Variants in KIF26B observed in about 807,000 individuals in gnomAD.
The protein encoded by KIF26B is kinesin family member 26B.
In KIF26B, 63 loss-of-function variants were observed where a neutral mutation model predicts 151.2. That is an observed-to-expected ratio of 0.42 (90% CI 0.34 to 0.51). KIF26B has a LOEUF of 0.51. KIF26B is among the 20% of genes least tolerant of loss of function. KIF26B has a pLI of 0.07. For missense variants in KIF26B, 2,813 were observed against 2,913.6 expected (o/e 0.97, Z 0.79); for synonymous variants, 1,357 against 1,262.1 (o/e 1.08, Z -1.59).
In KIF26B at chr1:245,429,637, G is replaced by T. The variant is rs1658731512; in HGVS notation, c.1166+9892G>T. ...GTTGGTTTTTGTTTTGTTTTGAGTT[G>T]CAGTCTCGCTCTGTCTCCCAGCCCA... is the stretch of plus-strand genomic sequence containing the variant. On this transcript the variant is annotated intron_variant, in intron 4 of 14. Transcript: ENST00000407071. 2.0e-5 allele frequency among the ~76,000 whole-genome samples: 3 copies of T among 152,094 alleles called. No individual in the cohort carries two copies. The South Asian group carries it at 6.2e-4, about 32-fold the overall frequency.
At chr1:245,220,112 C>T (rs1410174253) in intron 2 of KIF26B, among the ~76,000 whole-genome samples, 1 of 152,144 alleles carries the variant, frequency 6.6e-6, no homozygotes, top group African/African-American at 2.4e-5. Context: ...CTCTCCGCAC[C>T]ATGTTCCAGG....
Position 245,516,971 on chromosome 1 carries a change from T to C in KIF26B, c.1167-23796T>C, listed in dbSNP as rs2103087368. Reference sequence around the variant, plus strand: ...TGCTGCTTTCACCCCCACCTGACCATGGTCGCAGTGGGGGGCTTTCTCTTG... The same window carrying C: ...TGCTGCTTTCACCCCCACCTGACCACGGTCGCAGTGGGGGGCTTTCTCTTG... On this transcript the variant is annotated intron_variant, in intron 4 of 14. Coordinates refer to ENST00000407071, the MANE Select transcript of KIF26B (RefSeq NM_018012.4). This position sits in a 1 kb window ranked among gnomAD's most constrained non-coding sequence, Gnocchi z 4.2. 6.6e-6 allele frequency among the ~76,000 whole-genome samples: 1 copy of C among 152,328 alleles called. No individual in the cohort carries two copies. Among genetic ancestry groups the C allele is most frequent in the South Asian group, 2.1e-4 (1 of 4,828 alleles).
At chr1:245,537,111 C>T (rs1305466749) in intron 4 of KIF26B, among the ~76,000 whole-genome samples, 1 of 152,146 alleles carries the variant, frequency 6.6e-6, no homozygotes, top group Non-Finnish European at 1.5e-5. Flanking sequence ...GGACTGTCTG[C>T]CATGATGGGC....
At chr1:245,345,307 T>C (rs1014422657) in intron 2 of KIF26B, among the ~76,000 whole-genome samples, 2 of 152,100 alleles carry the variant, frequency 1.3e-5, no homozygotes, top group Non-Finnish European at 2.9e-5. Context: ...CCTCCCTCCT[T>C]CTGCGACTTC....
At chr1:245,434,973 G>GTCCATCCATCCATCCA (rs371849206) in intron 4 of KIF26B, among the ~76,000 whole-genome samples, 52 of 135,752 alleles carry the variant, frequency 3.8e-4, no homozygotes, top group East Asian at 2.8e-3. Flanking sequence ...ATGCTCTTTT[G>GTCCATCCATCCATCCA]TCCATCCATC....
chr1:245,240,765 G>C (rs894176904), intron 2 of KIF26B, among the ~76,000 whole-genome samples: 1 of 152,198 alleles, frequency 6.6e-6, no homozygotes, highest in Admixed American at 6.5e-5. Flanking sequence ...AGGAGATGCC[G>C]CTGTGGGAGG....
intron 3 of KIF26B, among the ~76,000 whole-genome samples, chr1:245,382,752 C>G (rs191720701): frequency 0.014 from 2,072 of 151,892 alleles, 50 homozygotes; most frequent in African/African-American, 0.048. Context: ...ATTTTTAGTA[C>G]AGACGGGGTT....
intron 2 of KIF26B, among the ~76,000 whole-genome samples, chr1:245,211,623 C>T (rs1183258927): frequency 6.6e-6 from 1 of 152,154 alleles, no homozygotes; most frequent in East Asian, 1.9e-4. Flanking sequence ...GTCCTCAATT[C>T]CTGGCCTCAA....
intron 2 of KIF26B, among the ~76,000 whole-genome samples, chr1:245,302,287 C>G (rs544218624): frequency 1.7e-4 from 26 of 152,278 alleles, no homozygotes; most frequent in African/African-American, 6.3e-4. Flanking sequence ...TACTCTGATG[C>G]CATAAGGAGT....
At chr1:245,490,200 C>T (rs766531338) in intron 4 of KIF26B, among the ~76,000 whole-genome samples, 12 of 151,846 alleles carry the variant, frequency 7.9e-5, no homozygotes, top group Non-Finnish European at 1.6e-4. Flanking sequence ...AGATCCAGTA[C>T]AGAGGAATGT....
chr1:245,483,744 A>C (rs61647228), intron 4 of KIF26B, among the ~76,000 whole-genome samples: 6,950 of 151,756 alleles, frequency 0.046, 559 homozygotes, highest in African/African-American at 0.16. Flanking sequence ...CAGTGCTGGA[A>C]CGTTCATTTT....
At chr1:245,428,989 T>TGGGGGGGGGGGGGA (rs1558162150) in intron 4 of KIF26B, among the ~76,000 whole-genome samples, 1 of 81,836 alleles carries the variant, frequency 1.2e-5, no homozygotes, top group Non-Finnish European at 2.5e-5. Flanking sequence ...GGGGCGGGGG[T>TGGGGGGGGGGGGGA]GGGGGGCAGT....
chr1:245,309,280 C>T (rs1025691959), intron 2 of KIF26B, among the ~76,000 whole-genome samples: 28 of 152,174 alleles, frequency 1.8e-4, no homozygotes, highest in African/African-American at 6.5e-4. Flanking sequence ...TTTGGTCAAA[C>T]GTTGTTCTTG....
At chr1:245,211,026 A>G (rs1352806429) in intron 2 of KIF26B, among the ~76,000 whole-genome samples, 1 of 152,080 alleles carries the variant, frequency 6.6e-6, no homozygotes, top group East Asian at 1.9e-4. Flanking sequence ...GCGGTTTTTA[A>G]GCTCACACCA....
Position 245,703,983 on chromosome 1 carries a change from A to G in KIF26B, c.*1377A>G, listed in dbSNP as rs2044808071. 1 of 152,234 alleles carries G rather than the reference A, an allele frequency of 6.6e-6. No homozygotes were observed. Among genetic ancestry groups the G allele is most frequent in the Admixed American group, 6.5e-5 (1 of 15,284 alleles). 9.4% of individuals were successfully genotyped at this position (152,234 alleles called of 1,614,324 possible). On this transcript the variant is annotated 3_prime_UTR_variant, in exon 15 of 15. Coordinates refer to ENST00000407071, the MANE Select transcript of KIF26B (RefSeq NM_018012.4). ...TATGGATGTCCAGGTCTTGGCTCCC[A>G]ACAACTCAGGACCTCAAATTCAGAT... is the stretch of plus-strand genomic sequence containing the variant.
intron 4 of KIF26B, among the ~76,000 whole-genome samples, chr1:245,483,796 A>G (rs1572085560): frequency 6.6e-6 from 1 of 151,974 alleles, no homozygotes; most frequent in East Asian, 1.9e-4. Context: ...TCCAAGCTCT[A>G]ATCTTACAGG....
intron 2 of KIF26B, among the ~76,000 whole-genome samples, chr1:245,282,533 G>A (rs978695914): frequency 6.6e-6 from 1 of 152,192 alleles, no homozygotes; most frequent in Non-Finnish European, 1.5e-5. Flanking sequence ...ATCCCCAAGT[G>A]TGTAGAACAT....
rs984428824 is a variant in KIF26B at position 245,367,784 on chromosome 1, G to T, written c.999+417G>T. Among the ~76,000 whole-genome samples the T allele has an allele frequency of 2.6e-5, 4 of 152,238 alleles. No individual in the cohort carries two copies. Among genetic ancestry groups the T allele is most frequent in the Non-Finnish European group, 4.4e-5 (3 of 68,050 alleles). On this transcript the variant is annotated intron_variant, in intron 3 of 14. Coordinates refer to ENST00000407071, the MANE Select transcript of KIF26B (RefSeq NM_018012.4). The surrounding 1 kb of genome is among the most constrained non-coding windows in gnomAD (Gnocchi z 4.2). ...TTAGCAGCGTGACTTGGCACAAGGGGTTTGCCCTGTCTTAGGCTCAAGTCC... is the reference window on the plus strand; with the variant it reads ...TTAGCAGCGTGACTTGGCACAAGGGTTTTGCCCTGTCTTAGGCTCAAGTCC...
chr1:245,167,564 T>A lies in KIF26B; in HGVS notation c.465+10881T>A, dbSNP rs1355392099. Among the ~76,000 whole-genome samples the A allele has an allele frequency of 1.3e-5, 2 of 152,086 alleles. No individual in the cohort carries two copies. Among genetic ancestry groups the A allele is most frequent in the Non-Finnish European group, 2.9e-5 (2 of 68,022 alleles). On this transcript the variant is annotated intron_variant, in intron 2 of 14. Coordinates refer to ENST00000407071, the MANE Select transcript of KIF26B (RefSeq NM_018012.4). This position sits in a 1 kb window ranked among gnomAD's most constrained non-coding sequence, Gnocchi z 4.2. ...CTATTAACTGATTAGAAGCCAGCAA[T>A]AACAACCAGCACCAAAAGCTGTCGA...
Sources: gnomAD v4.1 joint callset for allele counts (sites outside exome capture counted in the v4.1 genomes callset) on GRCh38, gnomAD v4.1.1 for gene constraint, Gnocchi (gnomAD v3.1) non-coding constraint, MANE v1.5 for transcripts, NCBI Gene and HGNC (gene_info 2026-07-23, HGNC 2026-07-21) for gene names.